Variants in SPAG9 observed in about 807,000 individuals in gnomAD.
SPAG9 encodes the protein C-Jun-amino-terminal kinase-interacting protein 4.
Under a neutral mutation model 166.5 loss-of-function variants are expected in SPAG9, and 35 were observed. The ratio of observed to expected loss-of-function variants is 0.21; its 90% confidence interval spans 0.16 to 0.28. The LOEUF (loss-of-function observed/expected upper bound fraction) is 0.28. SPAG9 is among the 10% of genes least tolerant of loss of function. The pLI, the probability that SPAG9 is intolerant of heterozygous loss-of-function variation, is 1.00. For missense variants in SPAG9, 1,235 were observed against 1,603.3 expected, an observed-to-expected ratio of 0.77 and a Z score of 3.92; for synonymous variants, 534 against 565.5, an observed-to-expected ratio of 0.94 and a Z score of 0.79.
chr17:51,055,824 G>C (rs1003301242), intron 3 of SPAG9, among the ~76,000 whole-genome samples: 3 of 152,042 alleles, frequency 2.0e-5, no homozygotes, highest in Non-Finnish European at 2.9e-5. Flanking sequence ...GGCTGACAGG[G>C]AATCATAAAA....
intron 28 of SPAG9, 49 bp from the exon 29 acceptor site, chr17:50,970,905 G>T: frequency 1.3e-6 from 2 of 1,503,174 alleles, no homozygotes; most frequent in Non-Finnish European, 1.8e-6. Flanking sequence ...CAGAAGGGAG[G>T]CTGTTTTGTT....
intron 6 of SPAG9, among the ~76,000 whole-genome samples, chr17:51,026,291 G>A (rs1193042614): frequency 8.0e-6 from 1 of 125,688 alleles, no homozygotes; most frequent in African/African-American, 3.0e-5. Context: ...ATAACCAGGA[G>A]ACAGTCTAGA....
intron 1 of SPAG9, among the ~76,000 whole-genome samples, chr17:51,098,288 T>G (rs1291329334): frequency 6.6e-6 from 1 of 152,044 alleles, no homozygotes; most frequent in Non-Finnish European, 1.5e-5. Context: ...GCGGGCTGAT[T>G]GTTTTTGGTG....
intron 1 of SPAG9, among the ~76,000 whole-genome samples, chr17:51,115,725 G>A (rs1305257397): frequency 2.0e-5 from 3 of 152,048 alleles, no homozygotes; most frequent in Non-Finnish European, 4.4e-5. Context: ...AGCTACTTGA[G>A]AGGCTGAGGC....
In SPAG9 at chr17:50,976,043, G is replaced by C. The variant is rs1225226900; in HGVS notation, c.3523+1065C>G. On this transcript the variant is annotated intron_variant, in intron 27 of 29. Transcript: ENST00000262013. ...TAACGAAAATAACAAGATCCCACTTGGCATAATACCAAGTAATACATAAAG... is the reference window on the plus strand; with the variant it reads ...TAACGAAAATAACAAGATCCCACTTCGCATAATACCAAGTAATACATAAAG... The C allele has an allele frequency of 4.5e-6, 3 of 664,200 alleles. No homozygotes were observed. In the African/African-American group the frequency reaches 5.4e-5, roughly 12 times the overall value. The allele number at this position is 664,200 out of a possible 1,614,324, so 41.1% of individuals were successfully genotyped here.
chr17:51,106,100 TCTACACA>T (rs2048940509), intron 1 of SPAG9, among the ~76,000 whole-genome samples: 1 of 101,666 alleles, frequency 9.8e-6, no homozygotes, highest in Non-Finnish European at 2.1e-5. Flanking sequence ...GACCCCCATC[TCTACACA>T]CACACACACA....
chr17:51,055,951 CA>C (rs1568046912), intron 3 of SPAG9, among the ~76,000 whole-genome samples: 2 of 152,276 alleles, frequency 1.3e-5, no homozygotes, highest in Non-Finnish European at 2.9e-5. Context: ...TATTTTAACA[CA>C]TTATAATTTG....
At position 51,001,819 on chromosome 17, in the gene SPAG9, T is replaced by C. The variant is rs759756631; in HGVS notation, c.1503A>G (p.Lys501=). The C allele has an allele frequency of 5.6e-6, 9 of 1,613,592 alleles. No homozygotes were observed. The South Asian group carries it at 9.9e-5, about 18-fold the overall frequency. The change falls in exon 13 of 30, where the codon AAA becomes AAG. Residue 501 remains lysine, a synonymous_variant. Transcript: ENST00000262013. The part of the protein sequence containing the change: ...DDSDIPTAQR[K]RFTRVEMARV... ...GGGCCATTTCTACTCTAGTAAACCG[T>C]TTCCTCTGGGCTGTGGGAATATCAC...
intron 2 of SPAG9, among the ~76,000 whole-genome samples, chr17:51,066,010 AACT>A (rs1352054662): frequency 6.6e-6 from 1 of 152,230 alleles, no homozygotes; most frequent in Non-Finnish European, 1.5e-5. Context: ...TCGTTATAGC[AACT>A]ACAGTTAGCT....
In SPAG9 at chr17:50,966,071, A is replaced by C. The variant is rs111489635; in HGVS notation, c.*201T>G. 7.0e-5 allele frequency: 39 copies of C among 553,430 alleles called. No homozygotes were observed. Among genetic ancestry groups the C allele is most frequent in the Admixed American group, 1.2e-4 (4 of 32,970 alleles). 34.3% of individuals were successfully genotyped at this position (553,430 alleles called of 1,614,324 possible). The stretch of plus-strand genomic sequence containing the variant: ...TGTTCATAATATACTGAAGTTACCT[A>C]TAACACTGGTGCAGTAACACAGCTA... On this transcript the variant is annotated 3_prime_UTR_variant, in exon 30 of 30. Transcript: ENST00000262013.
chr17:51,080,224 C>A (rs1469849674), intron 1 of SPAG9, among the ~76,000 whole-genome samples: 2 of 152,030 alleles, frequency 1.3e-5, no homozygotes, highest in Non-Finnish European at 2.9e-5. Flanking sequence ...TAAGTGCAAT[C>A]ATTAAATCTC....
intron 14 of SPAG9, 71 bp downstream of exon 14, chr17:50,999,590 T>C (rs1411129664): frequency 6.6e-7 from 1 of 1,507,676 alleles, no homozygotes; most frequent in African/African-American, 1.4e-5. Context: ...AAAATCATTC[T>C]TGGAAATAAA....
chr17:51,068,336 T>C (rs947265100), intron 2 of SPAG9, among the ~76,000 whole-genome samples: 1 of 152,204 alleles, frequency 6.6e-6, no homozygotes, highest in African/African-American at 2.4e-5. Flanking sequence ...ATATTATATG[T>C]TATTAATCAA....
At chr17:50,972,527 C>G (rs182737703) in intron 28 of SPAG9, among the ~76,000 whole-genome samples, 1 of 152,196 alleles carries the variant, frequency 6.6e-6, no homozygotes. Flanking sequence ...ATATTATTCA[C>G]AACTATGAAC....
At chr17:51,118,549 T>C (rs2049367486) in intron 1 of SPAG9, among the ~76,000 whole-genome samples, 1 of 152,230 alleles carries the variant, frequency 6.6e-6, no homozygotes. Flanking sequence ...GCTTGTCACC[T>C]GTGTGTACAT....
At chr17:51,031,945 G>A (rs894190723) in intron 5 of SPAG9, 9 of 655,852 alleles carry the variant, frequency 1.4e-5, no homozygotes, top group African/African-American at 1.8e-5. Context: ...TTGGATCAGT[G>A]TCTTATACTT....
rs199556365 is a variant in SPAG9 at position 50,970,681 on chromosome 17, C to T, written c.3850+26G>A. The T allele has an allele frequency of 1.6e-4, 250 of 1,604,326 alleles. 1 individual carries two copies. The highest frequency in any genetic ancestry group is 4.4e-5 in the South Asian group (4 of 90,722). Reference sequence around the variant, plus strand: ...CCCAAGTCATAGCACACAGTGCAAACTGAGCACCCAGAACCAATGACATAC... The same window carrying T: ...CCCAAGTCATAGCACACAGTGCAAATTGAGCACCCAGAACCAATGACATAC... On this transcript the variant is annotated intron_variant, in intron 29 of 29. Coordinates refer to ENST00000262013, the MANE Select transcript of SPAG9 (RefSeq NM_001130528.3).
At chr17:51,006,063 G>T in intron 11 of SPAG9, 22 bp downstream of exon 11, 1 of 1,613,230 alleles carries the variant, frequency 6.2e-7, no homozygotes, top group South Asian at 1.1e-5. Flanking sequence ...GTTTGGTTTA[G>T]AACAACACAG....
intron 22 of SPAG9, among the ~76,000 whole-genome samples, chr17:50,986,113 A>T (rs147291044): frequency 3.6e-4 from 55 of 152,360 alleles, no homozygotes; most frequent in African/African-American, 1.3e-3. Context: ...TAACTTTTGG[A>T]TGACAGAGTG....
Sources: allele counts gnomAD v4.1 joint callset (sites outside exome capture counted in the v4.1 genomes callset), GRCh38; gene constraint gnomAD v4.1.1; transcripts MANE v1.5; gene names NCBI Gene and HGNC (gene_info 2026-07-23, HGNC 2026-07-21).